The following COL14A1 variants were observed in gnomAD, a reference collection of about 807,000 sequenced individuals.
The protein encoded by COL14A1 is collagen type XIV alpha 1 chain.
A neutral mutation model predicts 230.3 loss-of-function variants in COL14A1; 136 were observed. That is an observed-to-expected ratio of 0.59 (90% CI 0.51 to 0.68). The LOEUF (loss-of-function observed/expected upper bound fraction) is 0.68, where lower values mean the gene tolerates loss of function less well. COL14A1 is among the 30% of genes least tolerant of loss of function. The pLI is 0.00. For synonymous variants in COL14A1, 792 were observed against 784.1 expected, an observed-to-expected ratio of 1.01 and a Z score of -0.17; for missense variants, 1,976 against 2,215.8, an observed-to-expected ratio of 0.89 and a Z score of 2.17.
At chr8:120,234,679 G>A (rs1221927875) in intron 19 of COL14A1, among the ~76,000 whole-genome samples, 1 of 152,122 alleles carries the variant, frequency 6.6e-6, no homozygotes, top group Non-Finnish European at 1.5e-5. Context: ...GATTGTGGTG[G>A]ATAAGCTTTT....
rs905799202 is a variant in COL14A1, at chr8:120,308,228, C to T, written c.4402-1781C>T. ...AACTCCTAACTTCAAGTGATCCACC[C>T]GCCTTGGCCTCCCAAAGTGCTGGGA... On this transcript the variant is annotated intron_variant, in intron 36 of 47. Transcript: ENST00000297848. 1.4e-4 allele frequency among the ~76,000 whole-genome samples: 22 copies of T among 152,206 alleles called. 1 individual carries two copies. Among genetic ancestry groups the T allele is most frequent in the Admixed American group, 1.4e-3 (22 of 15,284 alleles).
At chr8:120,323,782 G>C (rs868368523) in intron 40 of COL14A1, among the ~76,000 whole-genome samples, 7 of 152,126 alleles carry the variant, frequency 4.6e-5, no homozygotes, top group Admixed American at 4.6e-4. Flanking sequence ...CTATGTGTCT[G>C]TTCTTGTACA....
chr8:120,293,494 C>T (rs1039894439), intron 34 of COL14A1, among the ~76,000 whole-genome samples: 3 of 151,770 alleles, frequency 2.0e-5, no homozygotes, highest in African/African-American at 7.2e-5. Flanking sequence ...TCATTTAATC[C>T]TGTAATAATC....
chr8:120,214,177 A>G, intron 13 of COL14A1: 1 of 175,856 alleles, frequency 5.7e-6, no homozygotes, highest in East Asian at 1.8e-4. Flanking sequence ...AGAAATTAGC[A>G]TCCTGGTTAA....
In COL14A1 at chr8:120,371,169, C is replaced by A; in HGVS notation, c.5329C>A (p.Pro1777Thr). 6.2e-7 allele frequency: 1 copy of A among 1,610,746 alleles called. No homozygotes were observed. The highest frequency in any genetic ancestry group is 8.5e-7 in the Non-Finnish European group (1 of 1,178,510). The change falls in exon 48 of 48, where the codon CCA becomes ACA. Residue 1777 changes from proline (P) to threonine (T), a missense_variant. This residue lies in a region of COL14A1 where 1,791 missense variants were observed against 2,019.5 expected (regional missense o/e 0.89). Coordinates refer to ENST00000297848, the MANE Select transcript of COL14A1 (RefSeq NM_021110.4). The part of the protein sequence containing the change: ...YGVRAPHPDQ[P>T]EFTPVQDELE... ...CTCTTTAGCTCCCCATCCAGATCAG[C>A]CAGAGTTCACCCCTGTCCAAGATGA...
chr8:120,194,688 G>A (rs1338200389), intron 5 of COL14A1, among the ~76,000 whole-genome samples: 1 of 152,010 alleles, frequency 6.6e-6, no homozygotes, highest in Non-Finnish European at 1.5e-5. Context: ...TAAGCAGAAA[G>A]CGTTCCCTTT....
Position 120,278,320 on chromosome 8 carries a change from A to AT in COL14A1, c.3337+92dup, listed in dbSNP as rs531958568. 9.2e-5 allele frequency: 139 copies of AT among 1,510,730 alleles called. 1 individual carries two copies. The South Asian group carries it at 1.7e-3, about 19-fold the overall frequency. The allele number at this position is 1,510,730 out of a possible 1,614,324, so 93.6% of individuals were successfully genotyped here. ...TGACCTTTTATTTTAAGGCATAGTA[A>AT]TTTTTTAAAGATTTTTTTTTTCATT... On this transcript the variant is annotated intron_variant, in intron 27 of 47. Transcript: ENST00000297848.
chr8:120,162,602 A>T, intron 4 of COL14A1, 33 bp downstream of exon 4: 1 of 1,554,180 alleles, frequency 6.4e-7, no homozygotes, highest in Non-Finnish European at 8.7e-7. Context: ...GCACCTCCGC[A>T]GGACTCTGTC....
chr8:120,156,174 C>CTT (rs67203803), intron 2 of COL14A1, among the ~76,000 whole-genome samples: 7,090 of 148,076 alleles, frequency 0.048, 549 homozygotes, highest in African/African-American at 0.16. Flanking sequence ...AGGGTGACTT[C>CTT]TTTTTTTTTT....
chr8:120,212,330 G>T, intron 12 of COL14A1, 118 bp from the exon 13 acceptor site: 1 of 877,348 alleles, frequency 1.1e-6, no homozygotes, highest in Admixed American at 2.8e-5. Context: ...GTTTGATGAA[G>T]GGGTTGTAAC....
At chr8:120,230,050 G>A (rs1818221495) in intron 18 of COL14A1, among the ~76,000 whole-genome samples, 2 of 151,982 alleles carry the variant, frequency 1.3e-5, no homozygotes, top group African/African-American at 2.4e-5. Flanking sequence ...CTGGCTAATC[G>A]TTTTGAATTT....
At chr8:120,324,285 A>G (rs1040637246) in intron 40 of COL14A1, among the ~76,000 whole-genome samples, 2 of 152,174 alleles carry the variant, frequency 1.3e-5, no homozygotes, top group African/African-American at 4.8e-5. Flanking sequence ...CATATAATAT[A>G]TAAATAGATG....
chr8:120,325,545 T>C (rs1202097373), intron 40 of COL14A1, among the ~76,000 whole-genome samples: 1 of 152,190 alleles, frequency 6.6e-6, no homozygotes, highest in Non-Finnish European at 1.5e-5. Flanking sequence ...CAGGCTGGAG[T>C]GCAGTGGTGC....
At chr8:120,159,804 C>A (rs1815601558) in intron 3 of COL14A1, among the ~76,000 whole-genome samples, 1 of 152,114 alleles carries the variant, frequency 6.6e-6, no homozygotes, top group South Asian at 2.1e-4. Flanking sequence ...TGGTTTTCCG[C>A]TCTCAGCCCC....
At chr8:120,357,056 T>C (rs1823013428) in intron 45 of COL14A1, among the ~76,000 whole-genome samples, 1 of 152,220 alleles carries the variant, frequency 6.6e-6, no homozygotes, top group Non-Finnish European at 1.5e-5. Context: ...GAAACTCTTA[T>C]GTATTAGTGA....
chr8:120,280,375 T>C (rs1819997813), intron 29 of COL14A1, among the ~76,000 whole-genome samples: 1 of 151,852 alleles, frequency 6.6e-6, no homozygotes, highest in Non-Finnish European at 1.5e-5. Flanking sequence ...ATTTTCAATG[T>C]ATTAAGAATG....
intron 40 of COL14A1, among the ~76,000 whole-genome samples, chr8:120,318,481 G>C (rs542909081): frequency 6.6e-5 from 10 of 152,252 alleles, no homozygotes; most frequent in Admixed American, 3.9e-4. Flanking sequence ...TGATCTGAGG[G>C]CTTAAGGATA....
chr8:120,199,321 C>G (rs1356951108), intron 7 of COL14A1, 81 bp from the exon 8 acceptor site: 29 of 1,273,030 alleles, frequency 2.3e-5, no homozygotes, highest in Non-Finnish European at 3.0e-5. Flanking sequence ...ATAGGTTACC[C>G]ATCTTGTGGT....
chr8:120,356,071 A>T (rs1391377807), intron 45 of COL14A1, among the ~76,000 whole-genome samples: 2 of 152,230 alleles, frequency 1.3e-5, no homozygotes, highest in Non-Finnish European at 2.9e-5. Context: ...GGAATATGAA[A>T]GATTGCTGAG....
Sources: allele counts gnomAD v4.1 joint callset (sites outside exome capture counted in the v4.1 genomes callset), GRCh38; gene constraint gnomAD v4.1.1; regional missense constraint gnomAD v4.1.1; transcripts MANE v1.5; gene names NCBI Gene and HGNC (gene_info 2026-07-23, HGNC 2026-07-21).